The following NDEL1 variants were observed in gnomAD, a reference collection of about 807,000 sequenced individuals.
NDEL1 encodes the protein nudE neurodevelopment protein 1 like 1.
Under a neutral mutation model 45.7 loss-of-function variants are expected in NDEL1, and 9 were observed. The ratio of observed to expected loss-of-function variants is 0.20; its 90% CI spans 0.12 to 0.34. The LOEUF is 0.34. Among genes scored for constraint, NDEL1 ranks in the 10% least tolerant of loss-of-function variants. The probability of loss-of-function intolerance (pLI) is 1.00; values close to 1 mark genes in which losing one functional copy is unlikely to be tolerated. For missense variants in NDEL1, 306 were observed against 406.2 expected (o/e 0.75, Z 2.12); for synonymous variants, 133 against 158.6 (o/e 0.84, Z 1.21).
chr17:8,437,095 TC>T (rs898411299), intron 1 of NDEL1, among the ~76,000 whole-genome samples: 4 of 152,222 alleles, frequency 2.6e-5, no homozygotes, highest in African/African-American at 9.6e-5. Context: ...AGAAAAATCT[TC>T]CTGTGAAGCT....
At chr17:8,456,816 T>G (rs1910876597) in intron 7 of NDEL1, among the ~76,000 whole-genome samples, 1 of 152,156 alleles carries the variant, frequency 6.6e-6, no homozygotes, top group Admixed American at 6.6e-5. Flanking sequence ...GACTATATCT[T>G]AACTCGCTGT....
intron 8 of NDEL1, among the ~76,000 whole-genome samples, chr17:8,460,675 A>G (rs1911140768): frequency 6.6e-6 from 1 of 152,208 alleles, no homozygotes; most frequent in South Asian, 2.1e-4. Flanking sequence ...TTTAAGGTTG[A>G]AGCATCCTTA....
intron 6 of NDEL1, among the ~76,000 whole-genome samples, chr17:8,451,621 A>G (rs1338590165): frequency 6.6e-6 from 1 of 152,208 alleles, no homozygotes; most frequent in Admixed American, 6.5e-5. Context: ...TCACATTGCC[A>G]TGAACCAGTG....
chr17:8,471,276 A>G (rs931554653), downstream of NDEL1, among the ~76,000 whole-genome samples: 1 of 152,156 alleles, frequency 6.6e-6, no homozygotes, highest in African/African-American at 2.4e-5. Flanking sequence ...TCAGCCTCCC[A>G]AGTAGCTGGG....
Position 8,415,880 on chromosome 17 carries a change from C to T in NDEL1, c.-13+2611C>T, listed in dbSNP as rs182898246. Among the ~76,000 whole-genome samples, 595 of 152,082 alleles carry T rather than the reference C, an allele frequency of 3.9e-3. 2 individuals carry two copies. Among genetic ancestry groups the T allele is most frequent in the African/African-American group, 0.014 (565 of 41,464 alleles). ...CTCCTGCCTCAGCCTCCTGAGTAGCCGGGATTACAGGCGCCTGCCACCATG... is the reference window on the plus strand; with the variant it reads ...CTCCTGCCTCAGCCTCCTGAGTAGCTGGGATTACAGGCGCCTGCCACCATG... On this transcript the variant is annotated intron_variant, in intron 1 of 4. Coordinates refer to the NDEL1 transcript ENST00000582812.
intron 3 of NDEL1, 113 bp downstream of exon 3, chr17:8,445,977 G>T (rs1910055701): frequency 9.2e-7 from 1 of 1,090,102 alleles, no homozygotes. Flanking sequence ...TGAAAAAAAC[G>T]CTTAAAGTGA....
intron 8 of NDEL1, among the ~76,000 whole-genome samples, chr17:8,462,534 C>T (rs943626842): frequency 6.6e-6 from 1 of 152,106 alleles, no homozygotes; most frequent in Non-Finnish European, 1.5e-5. Flanking sequence ...GTGTAGCAGC[C>T]GCAAAAGGAA....
At chr17:8,416,372 T>G (rs1387935259) in intron 1 of NDEL1, among the ~76,000 whole-genome samples, 2 of 152,228 alleles carry the variant, frequency 1.3e-5, no homozygotes, top group South Asian at 4.1e-4. Context: ...CAGGAGGTAA[T>G]TTTGATAGGT....
chr17:8,419,402 A>T (rs1478056575), intron 1 of NDEL1, among the ~76,000 whole-genome samples: 1 of 152,216 alleles, frequency 6.6e-6, no homozygotes, highest in African/African-American at 2.4e-5. Flanking sequence ...TTCTGAGCAT[A>T]TACTTATAAA....
chr17:8,425,155 TTGAA>T (rs1822324911), intron 1 of NDEL1, among the ~76,000 whole-genome samples: 1 of 152,260 alleles, frequency 6.6e-6, no homozygotes, highest in South Asian at 2.1e-4. Flanking sequence ...CTATCCTACT[TTGAA>T]TGTGTTTGAT....
chr17:8,443,429 G>C (rs1909886906), intron 1 of NDEL1, among the ~76,000 whole-genome samples: 1 of 152,154 alleles, frequency 6.6e-6, no homozygotes, highest in Admixed American at 6.5e-5. Context: ...ACTCCAGGTA[G>C]AGAAAACCTG....
intron 1 of NDEL1, among the ~76,000 whole-genome samples, chr17:8,438,551 T>C (rs890452388): frequency 2.0e-5 from 3 of 152,192 alleles, no homozygotes; most frequent in African/African-American, 7.2e-5. Flanking sequence ...GGTCTCATTT[T>C]GTCACCCAGG....
Position 8,465,267 on chromosome 17 carries a change from C to T in NDEL1, c.945-1663C>T, listed in dbSNP as rs995512907. 1 of 152,240 alleles carries T rather than the reference C, an allele frequency of 6.6e-6. No individual in the cohort carries two copies. Among genetic ancestry groups the T allele is most frequent in the African/African-American group, 2.4e-5 (1 of 41,454 alleles). The allele number at this position is 152,240 out of a possible 1,614,324, so 9.4% of individuals were successfully genotyped here. A position where few individuals can be genotyped will look rare whatever the true frequency, so the allele number is the denominator to read the frequency against. On this transcript the variant is annotated intron_variant, in intron 8 of 8. Transcript: ENST00000334527. This position sits in a 1 kb window ranked among gnomAD's most constrained non-coding sequence, Gnocchi z 4.9. ...TATGGCCTTGGCCCCAGAAGAGGCA[C>T]AGGCCTGTGACCTTGGGAGAGTGGG...
chr17:8,474,202 A>G (rs1912134243), intron 3 of NDEL1: 1 of 152,690 alleles, frequency 6.5e-6, no homozygotes, highest in Non-Finnish European at 1.5e-5. Flanking sequence ...GTGAGAAAAC[A>G]GATTCCACGT....
intron 1 of NDEL1, among the ~76,000 whole-genome samples, chr17:8,424,546 G>A (rs1908779968): frequency 6.6e-6 from 1 of 152,238 alleles, no homozygotes; most frequent in Non-Finnish European, 1.5e-5. Flanking sequence ...CTGTCGCCCA[G>A]GCTGGAGCGC....
chr17:8,453,740 T>C (rs983670884), intron 6 of NDEL1, among the ~76,000 whole-genome samples: 1 of 152,200 alleles, frequency 6.6e-6, no homozygotes, highest in Non-Finnish European at 1.5e-5. Flanking sequence ...AAAATTGATA[T>C]GTTGATATTA....
chr17:8,470,331 C>T (rs951942130), downstream of NDEL1, among the ~76,000 whole-genome samples: 2 of 152,102 alleles, frequency 1.3e-5, no homozygotes, highest in Admixed American at 6.5e-5. The surrounding 1 kb of genome is among the most constrained non-coding windows in gnomAD (Gnocchi z 4.2). Context: ...GCCGTTCCTC[C>T]CTGCTGGTGG....
At chr17:8,435,655 T>A (rs559378083), upstream of NDEL1, among the ~76,000 whole-genome samples, 57 of 152,362 alleles carry the variant, frequency 3.7e-4, no homozygotes, top group African/African-American at 9.9e-4. Context: ...CGAATAGCAG[T>A]TTCAGGGAAC....
rs766657876 is a variant in NDEL1, at chr17:8,463,605, C to A, written c.945-3325C>A. 7.9e-5 allele frequency among the ~76,000 whole-genome samples: 12 copies of A among 152,182 alleles called. 1 individual carries two copies. Among genetic ancestry groups the A allele is most frequent in the Non-Finnish European group, 1.5e-4 (10 of 68,030 alleles). On this transcript the variant is annotated intron_variant, in intron 8 of 8. Transcript: ENST00000334527. ...GCTGGGAGTAGCATGCCAGGTGGCA[C>A]GCCTGAGATGGGCTAGGGCGCTGTA...
Sources: allele counts gnomAD v4.1 joint callset (sites outside exome capture counted in the v4.1 genomes callset), GRCh38; gene constraint gnomAD v4.1.1; non-coding constraint Gnocchi (gnomAD v3.1); transcripts MANE v1.5; gene names NCBI Gene and HGNC (gene_info 2026-07-23, HGNC 2026-07-21).